TMCO4: variants seen among roughly 807,000 people sequenced by gnomAD.
TMCO4 encodes the protein transmembrane and coiled-coil domain-containing protein 4.
Under a neutral mutation model 64.7 loss-of-function variants are expected in TMCO4, and 58 were observed. That is an observed-to-expected ratio of 0.90 (90% CI 0.73 to 1.12). TMCO4 has a LOEUF of 1.12. TMCO4 is among the 50% of genes most tolerant of loss of function. The probability of loss-of-function intolerance (pLI) is 0.00; values close to 1 mark genes in which losing one functional copy is unlikely to be tolerated. For synonymous variants in TMCO4, 325 were observed against 346.1 expected, an observed-to-expected ratio of 0.94 and a Z score of 0.68; for missense variants, 780 against 825.9, an observed-to-expected ratio of 0.94 and a Z score of 0.68.
intron 8 of TMCO4, among the ~76,000 whole-genome samples, 195 bp from the exon 9 acceptor site, chr1:19,746,794 G>A (rs1280312240): frequency 6.6e-6 from 1 of 152,000 alleles, no homozygotes; most frequent in African/African-American, 2.4e-5. Context: ...CATGGTGGCA[G>A]GCGCCTGTAA....
chr1:19,789,524 G>A (rs1051404418), intron 2 of TMCO4, among the ~76,000 whole-genome samples: 2 of 152,178 alleles, frequency 1.3e-5, no homozygotes, highest in African/African-American at 2.4e-5. Context: ...AGGGACTAGA[G>A]GTGATTGGTT....
chr1:19,779,061 G>A (rs1332334348), intron 4 of TMCO4, among the ~76,000 whole-genome samples: 2 of 152,118 alleles, frequency 1.3e-5, no homozygotes, highest in South Asian at 2.1e-4. Context: ...GACAAAGACA[G>A]AAAAACAAAA....
Position 19,743,050 on chromosome 1 carries a change from AAAAGAAAATAAAAAT to A in TMCO4, c.878-2124_878-2110del, listed in dbSNP as rs2095487108. Among the ~76,000 whole-genome samples, 1 of 152,102 alleles carries A rather than the reference AAAAGAAAATAAAAAT, an allele frequency of 6.6e-6. No homozygotes were observed. The highest frequency in any genetic ancestry group is 2.1e-4 in the South Asian group (1 of 4,810). On this transcript the variant is annotated intron_variant, in intron 10 of 15. Coordinates refer to ENST00000294543, the MANE Select transcript of TMCO4 (RefSeq NM_181719.7). The surrounding 1 kb of genome is among the most constrained non-coding windows in gnomAD (Gnocchi z 4.1). Reference sequence around the variant, plus strand: ...GGTGATACAGCAAGACTCCGTCTCCAAAAGAAAATAAAAATAAAAAAAATAAAAAGGCGTTGTATA... The same window carrying A: ...GGTGATACAGCAAGACTCCGTCTCCAAAAAAAAATAAAAAGGCGTTGTATA...
chr1:19,719,726 G>T (rs1385830832), intron 13 of TMCO4, among the ~76,000 whole-genome samples: 1 of 152,100 alleles, frequency 6.6e-6, no homozygotes, highest in African/African-American at 2.4e-5. Context: ...GGGTGCAGTG[G>T]CTCACACCTG....
chr1:19,745,758 C>G (rs923379479), intron 9 of TMCO4, 107 bp from the exon 10 acceptor site: 2 of 1,405,896 alleles, frequency 1.4e-6, no homozygotes, highest in Admixed American at 4.7e-5. Context: ...CATCTGTGTG[C>G]CCTGCCCCTG....
rs922196530 is a variant in TMCO4, at chr1:19,683,339, C to T, written c.1606G>A (p.Gly536Ser). ...WDEKGLLLAP[G>S]CLPSEEPRQA... ...CGAGGCTCCTCGGAGGGCAGGCAGCCTGGGGCCAGCAAGAGCCCCTTCTCG... is the reference window on the plus strand; with the variant it reads ...CGAGGCTCCTCGGAGGGCAGGCAGCTTGGGGCCAGCAAGAGCCCCTTCTCG... Residue 536 changes from glycine (G) to serine (S), a missense_variant, in exon 16 of 16, where the codon GGC (glycine) becomes AGC (serine). By Grantham distance (56) the Gly-to-Ser change is moderately conservative. Coordinates refer to ENST00000294543, the MANE Select transcript of TMCO4 (RefSeq NM_181719.7). 1.2e-6 allele frequency: 2 copies of T among 1,613,974 alleles called. No individual in the cohort carries two copies. The highest frequency in any genetic ancestry group is 2.2e-5 in the East Asian group (1 of 44,884).
At chr1:19,742,482 G>A (rs930117407) in intron 10 of TMCO4, among the ~76,000 whole-genome samples, 7 of 152,162 alleles carry the variant, frequency 4.6e-5, no homozygotes, top group African/African-American at 9.7e-5. Context: ...TACCACGTCC[G>A]CACAAGGACA....
intron 15 of TMCO4, among the ~76,000 whole-genome samples, chr1:19,685,656 C>T (rs1186188253): frequency 1.3e-5 from 2 of 151,506 alleles, no homozygotes; most frequent in African/African-American, 4.8e-5. Flanking sequence ...GTGACTTACC[C>T]AAGGTCACAC....
At chr1:19,789,820 A>G (rs1321689686) in intron 2 of TMCO4, among the ~76,000 whole-genome samples, 1 of 152,110 alleles carries the variant, frequency 6.6e-6, no homozygotes, top group Non-Finnish European at 1.5e-5. Context: ...TGGGAGGCCG[A>G]GGCAGGTGGA....
At chr1:19,753,029 G>A (rs943546086) in intron 7 of TMCO4, among the ~76,000 whole-genome samples, 13 of 151,380 alleles carry the variant, frequency 8.6e-5, no homozygotes, top group Non-Finnish European at 1.6e-4. Context: ...GCATGATCTC[G>A]GCTCACTGCA....
At chr1:19,763,094 G>C (rs1393458436) in intron 6 of TMCO4, among the ~76,000 whole-genome samples, 3 of 143,512 alleles carry the variant, frequency 2.1e-5, no homozygotes, top group African/African-American at 7.7e-5. Flanking sequence ...TTTTTTTTTT[G>C]AGATGGAGTT....
At chr1:19,718,741 C>G (rs1467840049) in intron 13 of TMCO4, among the ~76,000 whole-genome samples, 1 of 150,790 alleles carries the variant, frequency 6.6e-6, no homozygotes, top group Non-Finnish European at 1.5e-5. Context: ...GGAAGAAGAA[C>G]GAGACGGACT....
chr1:19,790,557 AAG>A (rs1162818532), intron 2 of TMCO4, among the ~76,000 whole-genome samples: 2 of 152,230 alleles, frequency 1.3e-5, no homozygotes, highest in East Asian at 3.8e-4. Flanking sequence ...ATGAAAAAAA[AAG>A]CTCAACATCA....
chr1:19,752,700 C>T (rs941034169), intron 7 of TMCO4, among the ~76,000 whole-genome samples: 8 of 152,158 alleles, frequency 5.3e-5, no homozygotes, highest in Admixed American at 2.0e-4. Context: ...CCACTGCCAG[C>T]CAGGCCTTGA....
intron 9 of TMCO4, 62 bp downstream of exon 9, chr1:19,746,394 T>C: frequency 1.9e-6 from 3 of 1,598,450 alleles, no homozygotes; most frequent in Non-Finnish European, 2.6e-6. Flanking sequence ...GCATGTCCTT[T>C]TAGGAACTGG....
At position 19,687,756 on chromosome 1, in the gene TMCO4, C is replaced by A. The variant is rs549010623; in HGVS notation, c.1501-4312G>T. ...GGTGCCAGTGCTGGGTAGAAACAGG[C>A]CAGGAAGGAAGGGAGGTGTTGGTAC... is the stretch of plus-strand genomic sequence containing the variant. On this transcript the variant is annotated intron_variant, in intron 15 of 15. Transcript: ENST00000294543. Among the ~76,000 whole-genome samples the A allele has an allele frequency of 6.6e-4, 101 of 152,266 alleles. 1 individual carries two copies. The South Asian group carries it at 0.02, about 30-fold the overall frequency.
At position 19,694,445 on chromosome 1, in the gene TMCO4, G is replaced by A. The variant is rs764030187; in HGVS notation, c.1489C>T (p.Leu497=). The A allele has an allele frequency of 1.2e-6, 2 of 1,613,962 alleles. No homozygotes were observed. The highest frequency in any genetic ancestry group is 2.2e-5 in the East Asian group (1 of 44,876). The change falls in exon 15 of 16, where the codon CTG becomes TTG. Residue 497 remains leucine (L), a synonymous_variant. Transcript: ENST00000294543. ...AGGCCGACACTCACCACAGAGGTCA[G>A]GTCCACGTTCTCCACCCTCCTGTCC... ...LQDRRVENVD[L]TSVVSGHLDY...
chr1:19,684,960 G>A (rs1236216480), intron 15 of TMCO4, among the ~76,000 whole-genome samples: 1 of 152,198 alleles, frequency 6.6e-6, no homozygotes, highest in African/African-American at 2.4e-5. Context: ...CTTGAAGACT[G>A]TGGAGTGGCA....
Position 19,683,366 on chromosome 1 carries a change from C to G in TMCO4, c.1579G>C (p.Asp527His). Residue 527 changes from aspartate (D) to histidine (H), a missense_variant, in exon 16 of 16, where the codon GAC becomes CAC. Transcript: ENST00000294543. ...AVGIRTKPGW[D>H]EKGLLLAPGC... The stretch of plus-strand genomic sequence containing the variant: ...GGGGCCAGCAAGAGCCCCTTCTCGT[C>G]CCAGCCTGGCTTGGTGCGGATGCCC... 1 of 1,613,948 alleles carries G rather than the reference C, an allele frequency of 6.2e-7. No individual in the cohort carries two copies. The highest frequency in any genetic ancestry group is 8.5e-7 in the Non-Finnish European group (1 of 1,180,028).
Sources: allele counts gnomAD v4.1 joint callset (sites outside exome capture counted in the v4.1 genomes callset), GRCh38; gene constraint gnomAD v4.1.1; non-coding constraint Gnocchi (gnomAD v3.1); transcripts MANE v1.5; gene names NCBI Gene and HGNC (gene_info 2026-07-23, HGNC 2026-07-21).